The following OCIAD1 variants were observed in gnomAD, a reference collection of about 807,000 sequenced individuals.
OCIAD1 encodes OCIA domain containing 1.
OCIAD1 carries 29 observed loss-of-function variants against 38.9 expected under a neutral mutation model. That is an observed-to-expected ratio of 0.74 (90% CI 0.55 to 1.02). The LOEUF is 1.02. OCIAD1 is among the 50% of genes least tolerant of loss of function. OCIAD1 has a pLI of 0.00. For synonymous variants in OCIAD1, 110 were observed against 92.0 expected, an observed-to-expected ratio of 1.20 and a Z score of -1.12; for missense variants, 288 against 289.6, an observed-to-expected ratio of 0.99 and a Z score of 0.04.
chr4:48,859,039 G>A (rs1780355647), intron 8 of OCIAD1, among the ~76,000 whole-genome samples: 1 of 152,116 alleles, frequency 6.6e-6, no homozygotes, highest in Non-Finnish European at 1.5e-5. Context: ...GAAATAATAG[G>A]TCTTTGGTAC....
chr4:48,835,473 A>G (rs1407660010), intron 3 of OCIAD1, among the ~76,000 whole-genome samples: 1 of 152,208 alleles, frequency 6.6e-6, no homozygotes, highest in Admixed American at 6.5e-5. Context: ...TCTGTAACAT[A>G]AGGTGGAATA....
At chr4:48,814,123 A>G (rs868513920) in intron 1 of OCIAD1, among the ~76,000 whole-genome samples, 3 of 152,134 alleles carry the variant, frequency 2.0e-5, no homozygotes, top group Non-Finnish European at 2.9e-5. Flanking sequence ...AAGTGGCAAT[A>G]GAAAAGGCAC....
rs1172173286 is a variant in OCIAD1, at chr4:48,822,242, G to T, written c.-102-8335G>T. ...ACAGAGACCTCAGAAATAACACCAT[G>T]CATCACAACCATCTGATCTTCAACA... On this transcript the variant is annotated intron_variant, in intron 1 of 6. Coordinates refer to the OCIAD1 transcript ENST00000504654. 3.3e-5 allele frequency among the ~76,000 whole-genome samples: 5 copies of T among 152,084 alleles called. No homozygotes were observed. The East Asian group carries it at 9.7e-4, about 29-fold the overall frequency.
intron 3 of OCIAD1, among the ~76,000 whole-genome samples, chr4:48,840,270 C>T (rs1442948585): frequency 7.9e-5 from 12 of 152,280 alleles, no homozygotes; most frequent in East Asian, 5.8e-4. Context: ...GCCTTTTATT[C>T]TTATATGATT....
intron 3 of OCIAD1, among the ~76,000 whole-genome samples, chr4:48,839,614 TTTAA>T (rs1222426060): frequency 6.6e-6 from 1 of 152,178 alleles, no homozygotes; most frequent in African/African-American, 2.4e-5. Flanking sequence ...ATTAATGCAA[TTTAA>T]TTAAGTGTTG....
At chr4:48,805,753 A>G (rs563401831) in intron 1 of OCIAD1, among the ~76,000 whole-genome samples, 1 of 152,134 alleles carries the variant, frequency 6.6e-6, no homozygotes, top group South Asian at 2.1e-4. Context: ...TGTATTCTAT[A>G]TTCCAGTTAA....
chr4:48,828,757 C>T (rs114711995), upstream of OCIAD1, among the ~76,000 whole-genome samples: 232 of 152,226 alleles, frequency 1.5e-3, 1 homozygote, highest in African/African-American at 5.3e-3. Flanking sequence ...CGAGCATGTC[C>T]GAACATCAGA....
chr4:48,816,863 G>A (rs569713500), intron 1 of OCIAD1, among the ~76,000 whole-genome samples: 26 of 152,004 alleles, frequency 1.7e-4, no homozygotes, highest in Non-Finnish European at 2.2e-4. Context: ...CCTGCTACTC[G>A]GGAGGCTGAG....
At chr4:48,845,203 A>G (rs1258272328) in intron 4 of OCIAD1, among the ~76,000 whole-genome samples, 1 of 152,204 alleles carries the variant, frequency 6.6e-6, no homozygotes, top group African/African-American at 2.4e-5. Context: ...CAACTGCCTC[A>G]TATTTGAAGC....
chr4:48,831,605 C>A, intron 1 of OCIAD1: 2 of 1,229,074 alleles, frequency 1.6e-6, no homozygotes, highest in Non-Finnish European at 2.1e-6. Flanking sequence ...ATGGTATTGT[C>A]TTAAGCGCCG....
At chr4:48,837,680 A>G (rs1180968027) in intron 3 of OCIAD1, among the ~76,000 whole-genome samples, 2 of 146,764 alleles carry the variant, frequency 1.4e-5, no homozygotes, top group East Asian at 2.0e-4. Context: ...TGAAGATTAT[A>G]TAGAGTAGAT....
intron 1 of OCIAD1, among the ~76,000 whole-genome samples, chr4:48,819,854 A>G (rs929209123): frequency 2.6e-5 from 4 of 151,838 alleles, no homozygotes; most frequent in African/African-American, 9.7e-5. Context: ...CATCAAGAAG[A>G]GCTAAGTATA....
At chr4:48,814,528 C>T (rs138471005) in intron 1 of OCIAD1, among the ~76,000 whole-genome samples, 68 of 152,242 alleles carry the variant, frequency 4.5e-4, no homozygotes, top group South Asian at 1.7e-3. Context: ...ATTTACACAA[C>T]AGCATCGATT....
intron 4 of OCIAD1, among the ~76,000 whole-genome samples, chr4:48,846,369 T>C (rs1778978247): frequency 6.6e-6 from 1 of 152,210 alleles, no homozygotes; most frequent in African/African-American, 2.4e-5. Context: ...GTGAGATTCA[T>C]CCAGTAGCAT....
Position 48,832,739 on chromosome 4 carries a change from A to C in OCIAD1, c.58+57A>C, listed in dbSNP as rs964657757. 4.5e-6 allele frequency: 6 copies of C among 1,324,436 alleles called. No homozygotes were observed. In the African/African-American group the frequency reaches 8.7e-5, roughly 19 times the overall value. The allele number at this position is 1,324,436 out of a possible 1,614,324, so 82.0% of individuals were successfully genotyped here. A position where few individuals can be genotyped will look rare whatever the true frequency, so the allele number is the denominator to read the frequency against. On this transcript the variant is annotated intron_variant, in intron 2 of 8. Coordinates refer to ENST00000264312, the MANE Select transcript of OCIAD1 (RefSeq NM_017830.4). Reference sequence around the variant, plus strand: ...GCACTTCCTATGTAAAGGAATTTTCACTGCCTTGAGTAACAGTGGCAGGTG... The same window carrying C: ...GCACTTCCTATGTAAAGGAATTTTCCCTGCCTTGAGTAACAGTGGCAGGTG...
intron 8 of OCIAD1, 45 bp downstream of exon 8, chr4:48,857,410 A>G (rs778389750): frequency 7.9e-7 from 1 of 1,266,302 alleles, no homozygotes; most frequent in South Asian, 1.8e-5. Flanking sequence ...AGGATTGGAA[A>G]CTAAAACATT....
At chr4:48,808,619 C>T (rs1464084191) in intron 1 of OCIAD1, among the ~76,000 whole-genome samples, 4 of 152,214 alleles carry the variant, frequency 2.6e-5, no homozygotes, top group Non-Finnish European at 5.9e-5. Context: ...CATTCCTCCA[C>T]ATGAAAACAT....
chr4:48,844,449 A>G (rs138820578), intron 4 of OCIAD1, among the ~76,000 whole-genome samples: 8 of 152,162 alleles, frequency 5.3e-5, no homozygotes, highest in Admixed American at 3.3e-4. Context: ...CCCCATCTCT[A>G]CTAAAAATAC....
At chr4:48,816,904 A>T (rs1777148822) in intron 1 of OCIAD1, among the ~76,000 whole-genome samples, 2 of 152,040 alleles carry the variant, frequency 1.3e-5, no homozygotes, top group African/African-American at 4.8e-5. Context: ...TGGGAGGTGG[A>T]GGTTGCAGTG....
Sources: allele counts gnomAD v4.1 joint callset (sites outside exome capture counted in the v4.1 genomes callset), GRCh38; gene constraint gnomAD v4.1.1; transcripts MANE v1.5; gene names NCBI Gene and HGNC (gene_info 2026-07-23, HGNC 2026-07-21).